Variants in CRPPA observed in about 807,000 individuals in gnomAD.
CRPPA encodes D-ribitol-5-phosphate cytidylyltransferase.
CRPPA carries 43 observed loss-of-function variants against 52.0 expected under a neutral mutation model. The ratio of observed to expected loss-of-function variants is 0.83; its 90% CI spans 0.65 to 1.07. CRPPA has a LOEUF of 1.07. Ranked by LOEUF, CRPPA falls within the 50% of genes least tolerant of loss-of-function variation. CRPPA has a pLI of 0.00. For synonymous variants in CRPPA, 250 were observed against 203.5 expected (o/e 1.23, Z -1.94); for missense variants, 629 against 551.7 (o/e 1.14, Z -1.40).
intron 1 of CRPPA, among the ~76,000 whole-genome samples, chr7:16,416,292 T>G (rs1488917134): frequency 6.6e-6 from 1 of 152,126 alleles, no homozygotes; most frequent in East Asian, 1.9e-4. Context: ...TCCATAAATG[T>G]TGGTAGGATA....
At chr7:16,407,119 A>G (rs994507956) in intron 1 of CRPPA, among the ~76,000 whole-genome samples, 1 of 152,046 alleles carries the variant, frequency 6.6e-6, no homozygotes, top group African/African-American at 2.4e-5. Context: ...GGGATTACAG[A>G]CACCCGCCAC....
intron 3 of CRPPA, among the ~76,000 whole-genome samples, chr7:16,370,838 T>G (rs78264534): frequency 0.017 from 2,663 of 152,222 alleles, 33 homozygotes; most frequent in South Asian, 0.067. Flanking sequence ...CCCACAGGAA[T>G]GCAGTGTGAG....
At chr7:16,367,165 G>C (rs1786617856) in intron 3 of CRPPA, among the ~76,000 whole-genome samples, 2 of 103,104 alleles carry the variant, frequency 1.9e-5, no homozygotes, top group Admixed American at 1.8e-4. Flanking sequence ...ATCTCCATTT[G>C]TCAAAATTTA....
chr7:16,266,573 G>T (rs1198193636), intron 6 of CRPPA, among the ~76,000 whole-genome samples: 1 of 151,572 alleles, frequency 6.6e-6, no homozygotes, highest in Non-Finnish European at 1.5e-5. Context: ...CTGCCTCTTG[G>T]GTTCAACCAA....
intron 4 of CRPPA, among the ~76,000 whole-genome samples, chr7:16,302,419 G>A (rs1784809148): frequency 6.6e-6 from 1 of 151,686 alleles, no homozygotes; most frequent in African/African-American, 2.4e-5. Flanking sequence ...CCCCCATCCA[G>A]TGAGCTCAGG....
intron 3 of CRPPA, among the ~76,000 whole-genome samples, chr7:16,374,819 A>G (rs1025434246): frequency 1.3e-5 from 2 of 151,472 alleles, no homozygotes; most frequent in African/African-American, 2.4e-5. Flanking sequence ...CATCCACCTG[A>G]AAAAAAAATC....
In CRPPA at chr7:16,262,443, T is replaced by G. The variant is rs541856267; in HGVS notation, c.934-3431A>C. ...CAATCACTGTTAATCTCTTACAATGTTGTGTTTTCAATTTTTAACCTTGAA... is the reference window on the plus strand; with the variant it reads ...CAATCACTGTTAATCTCTTACAATGGTGTGTTTTCAATTTTTAACCTTGAA... On this transcript the variant is annotated intron_variant, in intron 6 of 9. Transcript: ENST00000407010. Among the ~76,000 whole-genome samples the G allele has an allele frequency of 2.6e-5, 4 of 152,322 alleles. No homozygotes were observed. The South Asian group carries it at 8.3e-4, about 32-fold the overall frequency.
intron 8 of CRPPA, among the ~76,000 whole-genome samples, chr7:16,239,622 T>G (rs1783053387): frequency 7.2e-6 from 1 of 138,898 alleles, no homozygotes; most frequent in South Asian, 2.3e-4. Flanking sequence ...TTTAAAAAAC[T>G]GAATGACCAC....
chr7:16,410,526 C>T (rs1485936327), intron 1 of CRPPA, among the ~76,000 whole-genome samples: 2 of 152,184 alleles, frequency 1.3e-5, no homozygotes, highest in African/African-American at 4.8e-5. Flanking sequence ...ATTTACTGCA[C>T]TAGCCCCTCA....
chr7:16,294,543 T>C (rs1182865394), intron 5 of CRPPA, among the ~76,000 whole-genome samples: 1 of 151,974 alleles, frequency 6.6e-6, no homozygotes, highest in Admixed American at 6.6e-5. Flanking sequence ...CTGCTTTTAC[T>C]AATTCAAGTT....
intron 1 of CRPPA, among the ~76,000 whole-genome samples, chr7:16,412,432 T>A (rs1788094948): frequency 1.3e-5 from 2 of 152,166 alleles, no homozygotes; most frequent in African/African-American, 4.8e-5. Context: ...GTAATTCTTG[T>A]AACAGGTCAA....
chr7:16,204,914 C>A (rs1781936798), intron 9 of CRPPA, among the ~76,000 whole-genome samples: 1 of 152,126 alleles, frequency 6.6e-6, no homozygotes, highest in African/African-American at 2.4e-5. Context: ...GATTATTTTT[C>A]TTTACTGTAT....
chr7:16,104,561 T>C (rs1782110419), intron 9 of CRPPA, among the ~76,000 whole-genome samples: 1 of 152,190 alleles, frequency 6.6e-6, no homozygotes, highest in Non-Finnish European at 1.5e-5. Context: ...GGAATAATCT[T>C]GTGTCAGAAG....
intron 9 of CRPPA, among the ~76,000 whole-genome samples, chr7:16,118,338 C>G (rs1262228457): frequency 6.6e-6 from 1 of 152,192 alleles, no homozygotes; most frequent in Non-Finnish European, 1.5e-5. Flanking sequence ...ACACATCTTA[C>G]TTGGCCTATG....
intron 1 of CRPPA, among the ~76,000 whole-genome samples, chr7:16,416,833 C>G (rs534162207): frequency 6.1e-4 from 92 of 151,720 alleles, no homozygotes; most frequent in Middle Eastern, 3.4e-3. Flanking sequence ...CACAGTGAGA[C>G]CCTATCTCCA....
intron 8 of CRPPA, among the ~76,000 whole-genome samples, chr7:16,226,772 C>T (rs564872392): frequency 6.6e-6 from 1 of 151,856 alleles, no homozygotes; most frequent in Non-Finnish European, 1.5e-5. Context: ...TAAATCTATA[C>T]AATATACATA....
chr7:16,316,102 T>G (rs1246240300), intron 3 of CRPPA, among the ~76,000 whole-genome samples: 2 of 151,910 alleles, frequency 1.3e-5, no homozygotes, highest in East Asian at 3.9e-4. Context: ...TTGAGAGAGA[T>G]AAAATGAGAA....
intron 3 of CRPPA, among the ~76,000 whole-genome samples, chr7:16,348,103 G>A (rs952232733): frequency 6.6e-6 from 1 of 152,048 alleles, no homozygotes; most frequent in Non-Finnish European, 1.5e-5. Context: ...GGAGATAAAG[G>A]GTCAGCTAGA....
chr7:16,127,914 A>T (rs1479717857), intron 9 of CRPPA, among the ~76,000 whole-genome samples: 3 of 152,172 alleles, frequency 2.0e-5, no homozygotes, highest in Non-Finnish European at 4.4e-5. Context: ...TGTTATGTTA[A>T]TTTTGGTCCC....
Sources: gnomAD v4.1 joint callset for allele counts (sites outside exome capture counted in the v4.1 genomes callset) on GRCh38, gnomAD v4.1.1 for gene constraint, MANE v1.5 for transcripts, NCBI Gene and HGNC (gene_info 2026-07-23, HGNC 2026-07-21) for gene names.